Variants in NAALADL2 observed in about 807,000 individuals in gnomAD.
The protein encoded by NAALADL2 is inactive N-acetylated-alpha-linked acidic dipeptidase-like protein 2.
In NAALADL2, 76 loss-of-function variants were observed where a neutral mutation model predicts 87.2. That is an observed-to-expected ratio of 0.87 (90% CI 0.72 to 1.05). The LOEUF (loss-of-function observed/expected upper bound fraction) is 1.05, where lower values mean the gene tolerates loss of function less well. NAALADL2 is among the 50% of genes least tolerant of loss of function. The probability of loss-of-function intolerance (pLI) is 0.00; values close to 1 mark genes in which losing one functional copy is unlikely to be tolerated. For synonymous variants in NAALADL2, 354 were observed against 331.0 expected (o/e 1.07, Z -0.75); for missense variants, 1,089 against 945.8 (o/e 1.15, Z -1.99).
At chr3:174,510,643 C>A (rs1719539756) in intron 1 of NAALADL2, among the ~76,000 whole-genome samples, 1 of 151,654 alleles carries the variant, frequency 6.6e-6, no homozygotes, top group Non-Finnish European at 1.5e-5. Context: ...TTTTAAATAA[C>A]CAGCTTTTGG....
intron 3 of NAALADL2, among the ~76,000 whole-genome samples, chr3:174,764,629 A>T (rs539671642): frequency 4.6e-4 from 70 of 152,314 alleles, no homozygotes; most frequent in African/African-American, 1.7e-3. Flanking sequence ...CAAACAAACA[A>T]AAATAAATAA....
chr3:174,880,174 C>A (rs1729023366), intron 1 of NAALADL2, among the ~76,000 whole-genome samples: 1 of 152,028 alleles, frequency 6.6e-6, no homozygotes, highest in African/African-American at 2.4e-5. Context: ...ATTCTTGAAA[C>A]CCTAGAGTCC....
At chr3:174,904,586 A>G (rs962184321) in intron 1 of NAALADL2, among the ~76,000 whole-genome samples, 1 of 148,134 alleles carries the variant, frequency 6.8e-6, no homozygotes, top group African/African-American at 2.5e-5. Flanking sequence ...CAATCAAATA[A>G]TAGTAAAAGT....
Position 175,307,239 on chromosome 3 carries a change from T to C in NAALADL2, c.940-16936T>C, listed in dbSNP as rs974219814. 9.1e-4 allele frequency among the ~76,000 whole-genome samples: 139 copies of C among 152,074 alleles called. 1 individual carries two copies. Among genetic ancestry groups the C allele is most frequent in the Non-Finnish European group, 4.7e-4 (32 of 67,956 alleles). On this transcript the variant is annotated intron_variant, in intron 4 of 13. Transcript: ENST00000454872. ...TAATCTTAAAAATCCCCTGGAGTAG[T>C]TGTGACAATTAAATAAGTCAAGGAC... is the stretch of plus-strand genomic sequence containing the variant.
chr3:175,101,069 T>A (rs1320454900), intron 2 of NAALADL2, among the ~76,000 whole-genome samples: 1 of 151,832 alleles, frequency 6.6e-6, no homozygotes, highest in Non-Finnish European at 1.5e-5. Flanking sequence ...AGTTGTAGAA[T>A]AAATGAGTCT....
chr3:174,662,073 C>G (rs1161477937), intron 2 of NAALADL2, among the ~76,000 whole-genome samples: 6 of 152,102 alleles, frequency 3.9e-5, no homozygotes, highest in African/African-American at 1.4e-4. Context: ...GCTTCCTCAT[C>G]TCTACTGTGG....
chr3:175,476,567 AAAAC>A (rs1256776211), intron 9 of NAALADL2, among the ~76,000 whole-genome samples: 1 of 152,162 alleles, frequency 6.6e-6, no homozygotes, highest in African/African-American at 2.4e-5. Flanking sequence ...AATCAAGTAA[AAAAC>A]AAACAAACAA....
chr3:175,488,621 A>C (rs1166734795), intron 9 of NAALADL2, among the ~76,000 whole-genome samples: 1 of 152,190 alleles, frequency 6.6e-6, no homozygotes. Flanking sequence ...TTTCAAGTAG[A>C]TCTGAGGTTA....
At chr3:175,596,107 G>T (rs1235529709) in intron 10 of NAALADL2, among the ~76,000 whole-genome samples, 1 of 151,842 alleles carries the variant, frequency 6.6e-6, no homozygotes, top group Non-Finnish European at 1.5e-5. Flanking sequence ...TCAGCAGTTT[G>T]GGTTAGGAGG....
At chr3:174,615,265 C>G (rs1720341160) in intron 2 of NAALADL2, among the ~76,000 whole-genome samples, 1 of 152,190 alleles carries the variant, frequency 6.6e-6, no homozygotes, top group Admixed American at 6.5e-5. Flanking sequence ...GGAACTGGAT[C>G]TGATCTATCC....
chr3:175,582,484 AAGG>A (rs2149577755), intron 10 of NAALADL2, among the ~76,000 whole-genome samples: 1 of 152,288 alleles, frequency 6.6e-6, no homozygotes, highest in Non-Finnish European at 1.5e-5. Context: ...GTTATGATGA[AAGG>A]AGTTTTCTAA....
intron 11 of NAALADL2, among the ~76,000 whole-genome samples, chr3:175,728,968 G>A (rs142818860): frequency 6.6e-6 from 1 of 152,170 alleles, no homozygotes; most frequent in East Asian, 1.9e-4. Context: ...CCAGATTGCT[G>A]CTCATTTTAT....
At chr3:174,909,082 T>C (rs1161927297) in intron 1 of NAALADL2, among the ~76,000 whole-genome samples, 1 of 151,906 alleles carries the variant, frequency 6.6e-6, no homozygotes, top group Non-Finnish European at 1.5e-5. Context: ...AAAATATGCA[T>C]GTAACAGTAT....
intron 1 of NAALADL2, among the ~76,000 whole-genome samples, chr3:174,493,191 T>C (rs1014538335): frequency 6.6e-6 from 1 of 152,184 alleles, no homozygotes; most frequent in Non-Finnish European, 1.5e-5. Context: ...AATCTTGATA[T>C]CCAGTACTTC....
intron 13 of NAALADL2, among the ~76,000 whole-genome samples, chr3:175,779,120 G>T (rs1411986107): frequency 6.6e-6 from 1 of 152,182 alleles, no homozygotes; most frequent in East Asian, 1.9e-4. Context: ...TGGCTTGTTA[G>T]TTCAACAAGA....
intron 1 of NAALADL2, among the ~76,000 whole-genome samples, chr3:175,051,297 C>A (rs1037338608): frequency 6.6e-6 from 1 of 152,072 alleles, no homozygotes; most frequent in Non-Finnish European, 1.5e-5. Flanking sequence ...TAAACAATAC[C>A]CATTTATTAT....
rs937343375 is a variant in NAALADL2, at chr3:175,514,609, T to C, written c.1653+42851T>C. Among the ~76,000 whole-genome samples, 8 of 152,230 alleles carry C rather than the reference T, an allele frequency of 5.3e-5. No individual in the cohort carries two copies. The East Asian group carries it at 1.2e-3, about 22-fold the overall frequency. On this transcript the variant is annotated intron_variant, in intron 9 of 13. Coordinates refer to ENST00000454872, the MANE Select transcript of NAALADL2 (RefSeq NM_207015.3). ...CCGGTTGGAATGCACCAAAAGTGCATGTAGGGGAGATATGGAGAAAAGTGC... is the reference window on the plus strand; with the variant it reads ...CCGGTTGGAATGCACCAAAAGTGCACGTAGGGGAGATATGGAGAAAAGTGC...
At chr3:175,266,166 G>A (rs942834484) in intron 4 of NAALADL2, among the ~76,000 whole-genome samples, 2 of 149,828 alleles carry the variant, frequency 1.3e-5, no homozygotes, top group Non-Finnish European at 3.0e-5. Flanking sequence ...GAATACACCC[G>A]GTAATCTCAT....
chr3:174,908,590 A>C (rs1733273342), intron 1 of NAALADL2, among the ~76,000 whole-genome samples: 1 of 152,124 alleles, frequency 6.6e-6, no homozygotes, highest in African/African-American at 2.4e-5. Context: ...GTGATGGAGA[A>C]GGAATTTCTA....
Sources: gnomAD v4.1 joint callset for allele counts (sites outside exome capture counted in the v4.1 genomes callset) on GRCh38, gnomAD v4.1.1 for gene constraint, MANE v1.5 for transcripts, NCBI Gene and HGNC (gene_info 2026-07-23, HGNC 2026-07-21) for gene names.